The following USP36 variants were observed in gnomAD, a reference collection of about 807,000 sequenced individuals.
USP36 encodes the protein ubiquitin specific peptidase 36.
Under a neutral mutation model 111.5 loss-of-function variants are expected in USP36, and 59 were observed. The ratio of observed to expected loss-of-function variants is 0.53; its 90% CI spans 0.43 to 0.66. The LOEUF is 0.66. USP36 is among the 30% of genes least tolerant of loss of function. The pLI, the probability that USP36 is intolerant of heterozygous loss-of-function variation, is 0.00. For missense variants in USP36, 1,488 were observed against 1,468.0 expected (o/e 1.01, Z -0.22); for synonymous variants, 628 against 581.0 (o/e 1.08, Z -1.16).
chr17:78,827,458 C>G lies in USP36; in HGVS notation c.587-111G>C. 4.0e-6 allele frequency: 4 copies of G among 989,254 alleles called. No individual in the cohort carries two copies. The South Asian group carries it at 6.7e-5, about 17-fold the overall frequency. 61.3% of individuals were successfully genotyped at this position (989,254 alleles called of 1,614,324 possible). A position where few individuals can be genotyped will look rare whatever the true frequency, so the allele number is the denominator to read the frequency against. On this transcript the variant is annotated intron_variant, in intron 5 of 20. Transcript: ENST00000449938. ...CTGTTATAAGGGGAAAATACTGCAA[C>G]TTTTCAAAGGAACAAGTGAGGAAAA...
At position 78,796,504 on chromosome 17, in the gene USP36, G is replaced by A. The variant is rs890920764; in HGVS notation, c.*1396C>T. The A allele has an allele frequency of 6.6e-6, 1 of 152,156 alleles. No individual in the cohort carries two copies. Among genetic ancestry groups the A allele is most frequent in the African/African-American group, 2.4e-5 (1 of 41,418 alleles). The allele number at this position is 152,156 out of a possible 1,614,324, so 9.4% of individuals were successfully genotyped here. On this transcript the variant is annotated 3_prime_UTR_variant, in exon 21 of 21. Coordinates refer to ENST00000449938, the MANE Select transcript of USP36 (RefSeq NM_001385174.1). ...ATTCTCTCCCACCCTTCTAAGAAGAGAAACGTAAAAACAGAAGAAAATCCA... is the reference window on the plus strand; with the variant it reads ...ATTCTCTCCCACCCTTCTAAGAAGAAAAACGTAAAAACAGAAGAAAATCCA...
At chr17:78,821,220 C>T in intron 7 of USP36, 159 bp from the exon 8 acceptor site, 1 of 626,400 alleles carries the variant, frequency 1.6e-6, no homozygotes, top group Non-Finnish European at 2.7e-6. Flanking sequence ...GAACAGAGAG[C>T]TCTCTTTCAC....
chr17:78,797,860 G>A lies in USP36; in HGVS notation c.*40C>T, dbSNP rs753398022. Reference sequence around the variant, plus strand: ...TCCAGACCGACAGCTCCCGGGAAGGGACGCCTTGTCTCCAGGAGGCTGCAG... The same window carrying A: ...TCCAGACCGACAGCTCCCGGGAAGGAACGCCTTGTCTCCAGGAGGCTGCAG... On this transcript the variant is annotated 3_prime_UTR_variant, in exon 21 of 21. Transcript: ENST00000449938. The A allele has an allele frequency of 6.5e-6, 1 of 154,542 alleles. No individual in the cohort carries two copies. Among genetic ancestry groups the A allele is most frequent in the Non-Finnish European group, 1.4e-5 (1 of 69,532 alleles). The allele number at this position is 154,542 out of a possible 1,614,324, so 9.6% of individuals were successfully genotyped here. A position where few individuals can be genotyped will look rare whatever the true frequency, so the allele number is the denominator to read the frequency against.
intron 15 of USP36, among the ~76,000 whole-genome samples, chr17:78,805,802 C>A (rs893135645): frequency 1.3e-5 from 2 of 152,214 alleles, no homozygotes; most frequent in Non-Finnish European, 2.9e-5. Context: ...GGCCTCACTT[C>A]GCCTTTCTCT....
chr17:78,830,926 T>C (rs1471751018), intron 4 of USP36, among the ~76,000 whole-genome samples: 1 of 151,900 alleles, frequency 6.6e-6, no homozygotes, highest in Admixed American at 6.6e-5. Context: ...AAAAATTATG[T>C]CATTTAAAAG....
chr17:78,834,516 A>G (rs1043994674), intron 4 of USP36, among the ~76,000 whole-genome samples: 3 of 152,028 alleles, frequency 2.0e-5, no homozygotes, highest in Non-Finnish European at 2.9e-5. Context: ...GATCTTGGTC[A>G]GCTCACTGCA....
At chr17:78,833,492 C>G (rs1599104265) in intron 4 of USP36, among the ~76,000 whole-genome samples, 1 of 152,158 alleles carries the variant, frequency 6.6e-6, no homozygotes, top group Non-Finnish European at 1.5e-5. Context: ...GGCTGCTACT[C>G]CAGGCACTTG....
intron 13 of USP36, among the ~76,000 whole-genome samples, chr17:78,811,581 G>A (rs1171412598): frequency 6.6e-6 from 1 of 152,066 alleles, no homozygotes; most frequent in Non-Finnish European, 1.5e-5. Context: ...CGTTAAATGT[G>A]AGAACAGGCC....
chr17:78,787,690 C>T (rs1047081700), intron 3 of USP36: 2 of 152,256 alleles, frequency 1.3e-5, no homozygotes, highest in South Asian at 4.1e-4. Context: ...CCACATTTAA[C>T]TCTGAGAAGA....
chr17:78,802,631 C>T, intron 16 of USP36, 96 bp from the exon 17 acceptor site: 2 of 1,264,862 alleles, frequency 1.6e-6, no homozygotes, highest in Non-Finnish European at 2.2e-6. Context: ...AAGGTGCCAC[C>T]CCAGCTGTGA....
In USP36 at chr17:78,814,658, T is replaced by G. The variant is rs557398231; in HGVS notation, c.1024-106A>C. 2.6e-4 allele frequency: 364 copies of G among 1,419,082 alleles called. 1 individual carries two copies. The Middle Eastern group carries it at 3.3e-3, about 13-fold the overall frequency. 87.9% of individuals were successfully genotyped at this position (1,419,082 alleles called of 1,614,324 possible). A position where few individuals can be genotyped will look rare whatever the true frequency, so the allele number is the denominator to read the frequency against. The stretch of plus-strand genomic sequence containing the variant: ...ACAAAATGCCCAGCTTGTCTGGTCT[T>G]TAACAATTTGGGGGCCGGGCACAGT... On this transcript the variant is annotated intron_variant, in intron 10 of 20. Coordinates refer to ENST00000449938, the MANE Select transcript of USP36 (RefSeq NM_001385174.1).
At chr17:78,822,125 C>T (rs2094344303) in intron 6 of USP36, 121 bp from the exon 7 acceptor site, 2 of 1,130,162 alleles carry the variant, frequency 1.8e-6, no homozygotes, top group South Asian at 2.7e-5. Flanking sequence ...GAAACTCCAC[C>T]CCCCACCCGA....
At chr17:78,799,877 CTTTTTTT>C (rs549964435) in intron 17 of USP36, 109 bp from the exon 18 acceptor site, 1,155 of 155,392 alleles carry the variant, frequency 7.4e-3, no homozygotes, top group South Asian at 0.027. Context: ...GGATGCTTGC[CTTTTTTT>C]TTTTTTTTTT....
chr17:78,798,349 A>C lies in USP36; in HGVS notation c.*20+51T>G. The C allele has an allele frequency of 6.2e-7, 1 of 1,601,090 alleles. No homozygotes were observed. Among genetic ancestry groups the C allele is most frequent in the South Asian group, 1.1e-5 (1 of 90,594 alleles). Reference sequence around the variant, plus strand: ...CCCCACCACACCCCTACACACATACACGGCACACACACCCCCACCTCACCC... The same window carrying C: ...CCCCACCACACCCCTACACACATACCCGGCACACACACCCCCACCTCACCC... On this transcript the variant is annotated intron_variant, in intron 20 of 20. Transcript: ENST00000449938. This position sits in a 1 kb window ranked among gnomAD's most constrained non-coding sequence, Gnocchi z 5.1.
chr17:78,803,672 G>A lies in USP36; in HGVS notation c.2523C>T (p.His841=), dbSNP rs763218568. ...QHIREATAAP[H]GKRKRKKKKR... ...TCTTCTTCTTCCTCTTCCTCTTCCC[G>A]TGGGGAGCCGCAGTGGCCTCCCTGA... Residue 841 remains histidine, a synonymous_variant, in exon 16 of 21, where the codon CAC becomes CAT. Coordinates refer to ENST00000449938, the MANE Select transcript of USP36 (RefSeq NM_001385174.1). The surrounding 1 kb of genome is among the most constrained non-coding windows in gnomAD (Gnocchi z 4.6). 1.9e-5 allele frequency: 31 copies of A among 1,608,840 alleles called. No homozygotes were observed. The highest frequency in any genetic ancestry group is 2.3e-5 in the Non-Finnish European group (27 of 1,178,802).
downstream of USP36, among the ~76,000 whole-genome samples, chr17:78,793,763 T>C (rs1428264517): frequency 6.6e-6 from 1 of 152,140 alleles, no homozygotes; most frequent in Non-Finnish European, 1.5e-5. Flanking sequence ...ATTACAGTTA[T>C]GATGAGCCCT....
chr17:78,837,223 A>G (rs1249262788), intron 2 of USP36, among the ~76,000 whole-genome samples: 1 of 152,184 alleles, frequency 6.6e-6, no homozygotes, highest in African/African-American at 2.4e-5. Flanking sequence ...AGTACAAATT[A>G]TCTTTTTAAA....
At chr17:78,802,694 C>T (rs1044430716) in intron 16 of USP36, among the ~76,000 whole-genome samples, 159 bp from the exon 17 acceptor site, 5 of 152,138 alleles carry the variant, frequency 3.3e-5, no homozygotes, top group South Asian at 4.1e-4. Context: ...CATTAGCGGA[C>T]GCTCCACACG....
At chr17:78,812,811 G>A (rs775518157) in intron 13 of USP36, 49 bp downstream of exon 13, 2 of 1,605,516 alleles carry the variant, frequency 1.2e-6, no homozygotes, top group South Asian at 1.1e-5. Context: ...GGAGGTCTGT[G>A]AGGAGCACCA....
Sources: gnomAD v4.1 joint callset for allele counts (sites outside exome capture counted in the v4.1 genomes callset) on GRCh38, gnomAD v4.1.1 for gene constraint, Gnocchi (gnomAD v3.1) non-coding constraint, MANE v1.5 for transcripts, NCBI Gene and HGNC (gene_info 2026-07-23, HGNC 2026-07-21) for gene names.